CCDC148: variants seen among roughly 807,000 people sequenced by gnomAD.
CCDC148 encodes the protein coiled-coil domain-containing protein 148.
In CCDC148, 89 loss-of-function variants were observed where a neutral mutation model predicts 85.7. The observed-to-expected ratio is 1.04, with a 90% CI of 0.87 to 1.24. CCDC148 has a LOEUF of 1.24. CCDC148 is among the 50% of genes most tolerant of loss of function. The pLI is 0.00. For missense variants in CCDC148, 692 were observed against 671.7 expected (o/e 1.03, Z -0.33); for synonymous variants, 230 against 213.9 (o/e 1.08, Z -0.66).
Position 158,433,261 on chromosome 2 carries a change from A to AATATATATATATATATATATATATGTAT in CCDC148, c.25+23153_25+23154insATACATATATATATATATATATATATAT, listed in dbSNP as rs375554012. 5.5e-4 allele frequency among the ~76,000 whole-genome samples: 67 copies of AATATATATATATATATATATATATGTAT among 122,574 alleles called. 1 individual carries two copies. The highest frequency in any genetic ancestry group is 1.7e-3 in the African/African-American group (59 of 34,606). 80.4% of individuals were successfully genotyped at this position (122,574 alleles called of 152,430 possible). ...GGCAACAGAGTAAGTCCTTGACTCA[A>AATATATATATATATATATATATATGTAT]ATATATATATATATATAAAACAAAA... On this transcript the variant is annotated intron_variant, in intron 1 of 13. Coordinates refer to ENST00000283233, the MANE Select transcript of CCDC148 (RefSeq NM_138803.4).
chr2:158,207,400 G>A lies in CCDC148; in HGVS notation c.1370+13195C>T, dbSNP rs569211803. On this transcript the variant is annotated intron_variant, in intron 11 of 13. Transcript: ENST00000283233. ...ACAAAGACAGAATATGCACATAATT[G>A]TACCACTAAATACAAGTGGGAATGG... The A allele has an allele frequency of 5.9e-5, 9 of 152,282 alleles. No homozygotes were observed. The South Asian group carries it at 1.9e-3, about 32-fold the overall frequency. 9.4% of individuals were successfully genotyped at this position (152,282 alleles called of 1,614,324 possible). A position where few individuals can be genotyped will look rare whatever the true frequency, so the allele number is the denominator to read the frequency against.
chr2:158,421,023 C>A (rs1406705720), intron 1 of CCDC148, among the ~76,000 whole-genome samples: 8 of 151,786 alleles, frequency 5.3e-5, no homozygotes, highest in African/African-American at 7.3e-5. Flanking sequence ...GGATCAATTC[C>A]ACAAGAAGAG....
rs963344130 is a variant in CCDC148 at position 158,423,182 on chromosome 2, T to A, written c.25+33233A>T. 7.9e-5 allele frequency among the ~76,000 whole-genome samples: 12 copies of A among 152,078 alleles called. 2 individuals carry two copies. The highest frequency in any genetic ancestry group is 6.6e-4 in the Admixed American group (10 of 15,258). On this transcript the variant is annotated intron_variant, in intron 1 of 13. Coordinates refer to ENST00000283233, the MANE Select transcript of CCDC148 (RefSeq NM_138803.4). ...AAAGTAATTTATACATTCAATGCCA[T>A]CCCCATCAAGCTACCAATGACTTTC... is the stretch of plus-strand genomic sequence containing the variant.
intron 11 of CCDC148, among the ~76,000 whole-genome samples, chr2:158,192,515 A>C (rs550127517): frequency 6.6e-6 from 1 of 152,098 alleles, no homozygotes; most frequent in Non-Finnish European, 1.5e-5. Flanking sequence ...TTTTATTTTA[A>C]TAAAGTTTAC....
intron 1 of CCDC148, among the ~76,000 whole-genome samples, chr2:158,412,825 ATTTATTATT>A (rs1686318767): frequency 9.5e-6 from 1 of 105,292 alleles, no homozygotes; most frequent in Non-Finnish European, 1.9e-5. Flanking sequence ...CAATATAAGT[ATTTATTATT>A]ATTATTATTA....
At chr2:158,273,328 A>G (rs1356441392) in intron 9 of CCDC148, among the ~76,000 whole-genome samples, 1 of 152,108 alleles carries the variant, frequency 6.6e-6, no homozygotes, top group Non-Finnish European at 1.5e-5. Flanking sequence ...ATATACCCCC[A>G]ATGTCCCGAG....
intron 1 of CCDC148, among the ~76,000 whole-genome samples, chr2:158,443,515 A>AAGAAAAAAGAAAAG (rs1553524473): frequency 2.0e-5 from 2 of 100,896 alleles, no homozygotes; most frequent in Non-Finnish European, 4.0e-5. Flanking sequence ...AAAAAAAAAA[A>AAGAAAAAAGAAAAG]AAAAAAAAGA....
At chr2:158,441,402 A>G (rs1687926440) in intron 1 of CCDC148, among the ~76,000 whole-genome samples, 1 of 152,240 alleles carries the variant, frequency 6.6e-6, no homozygotes, top group Non-Finnish European at 1.5e-5. Context: ...TTCTAACTAA[A>G]TATCACACCA....
chr2:158,310,379 C>A (rs1212324663), intron 8 of CCDC148, among the ~76,000 whole-genome samples: 1 of 152,264 alleles, frequency 6.6e-6, no homozygotes, highest in East Asian at 1.9e-4. Context: ...ACATTTCCCC[C>A]TTTTCTATGC....
chr2:158,416,546 A>G (rs1686508564), intron 1 of CCDC148, among the ~76,000 whole-genome samples: 1 of 152,176 alleles, frequency 6.6e-6, no homozygotes, highest in African/African-American at 2.4e-5. Context: ...ACAATGCTGT[A>G]TTTGCTAAAG....
intron 9 of CCDC148, among the ~76,000 whole-genome samples, chr2:158,306,366 A>T (rs1691686391): frequency 1.3e-5 from 2 of 152,172 alleles, no homozygotes; most frequent in South Asian, 4.1e-4. Flanking sequence ...ACTAAAAAAA[A>T]AATACAAAAA....
intron 1 of CCDC148, among the ~76,000 whole-genome samples, chr2:158,361,534 A>G (rs1333858825): frequency 6.6e-6 from 1 of 152,204 alleles, no homozygotes; most frequent in African/African-American, 2.4e-5. Flanking sequence ...ATTCTTAAAG[A>G]AAAGAATTTT....
intron 11 of CCDC148, among the ~76,000 whole-genome samples, chr2:158,201,520 C>T (rs765449199): frequency 2.0e-5 from 3 of 152,034 alleles, no homozygotes; most frequent in Non-Finnish European, 4.4e-5. Flanking sequence ...AGTGACCGTC[C>T]CACCTCAGCC....
At chr2:158,335,627 G>A (rs1682335398) in intron 7 of CCDC148, among the ~76,000 whole-genome samples, 1 of 152,054 alleles carries the variant, frequency 6.6e-6, no homozygotes, top group Non-Finnish European at 1.5e-5. Flanking sequence ...CAGATCTGGA[G>A]ACTTATTCAC....
intron 1 of CCDC148, among the ~76,000 whole-genome samples, chr2:158,435,881 G>A (rs1461246417): frequency 1.3e-5 from 2 of 152,080 alleles, no homozygotes; most frequent in Admixed American, 1.3e-4. Context: ...AGACAAAGAA[G>A]GCCAATACAT....
chr2:158,380,601 A>G (rs1574724005), intron 1 of CCDC148, among the ~76,000 whole-genome samples: 1 of 152,196 alleles, frequency 6.6e-6, no homozygotes, highest in Non-Finnish European at 1.5e-5. Context: ...TTTTTTGTGC[A>G]TATGAAAATT....
intron 2 of CCDC148, among the ~76,000 whole-genome samples, chr2:158,348,049 T>C (rs951205095): frequency 2.6e-5 from 4 of 152,060 alleles, no homozygotes; most frequent in Admixed American, 6.5e-5. Flanking sequence ...ACAACCCCCA[T>C]AGAAGGGAAT....
intron 11 of CCDC148, 53 bp downstream of exon 11, chr2:158,220,542 A>T: frequency 1.6e-6 from 2 of 1,221,232 alleles, no homozygotes; most frequent in Non-Finnish European, 2.4e-6. Flanking sequence ...AACACTTTAC[A>T]AAAGACTCCA....
At chr2:158,376,871 G>C (rs571883861) in intron 1 of CCDC148, among the ~76,000 whole-genome samples, 37 of 152,134 alleles carry the variant, frequency 2.4e-4, no homozygotes, top group Non-Finnish European at 4.7e-4. Flanking sequence ...AGAGGAACTA[G>C]AGGGGCTAAT....
Sources: allele counts gnomAD v4.1 joint callset (sites outside exome capture counted in the v4.1 genomes callset), GRCh38; gene constraint gnomAD v4.1.1; transcripts MANE v1.5; gene names NCBI Gene and HGNC (gene_info 2026-07-23, HGNC 2026-07-21).